The following CTBP2 variants were observed in gnomAD, a reference collection of about 807,000 sequenced individuals.
The protein encoded by CTBP2 is C-terminal-binding protein 2.
Under a neutral mutation model 80.3 loss-of-function variants are expected in CTBP2, and 30 were observed. The ratio of observed to expected loss-of-function variants is 0.37; its 90% CI spans 0.28 to 0.51. The LOEUF (loss-of-function observed/expected upper bound fraction) is 0.51. CTBP2 is among the 20% of genes least tolerant of loss of function. CTBP2 has a pLI of 0.93. For missense variants in CTBP2, 1,212 were observed against 1,375.3 expected, an observed-to-expected ratio of 0.88 and a Z score of 1.88; for synonymous variants, 594 against 587.4, an observed-to-expected ratio of 1.01 and a Z score of -0.16.
chr10:125,062,830 G>A (rs931363728), intron 2 of CTBP2, among the ~76,000 whole-genome samples: 17 of 152,232 alleles, frequency 1.1e-4, no homozygotes, highest in African/African-American at 3.9e-4. Context: ...GCCACTGGGC[G>A]CCTGGGCAAC....
intron 7 of CTBP2, 26 bp from the exon 10 acceptor site, chr10:124,992,838 CAT>C (rs1952880797): frequency 1.3e-6 from 2 of 1,535,840 alleles, no homozygotes; most frequent in Non-Finnish European, 1.8e-6. Context: ...TAAAATTAAT[CAT>C]ATTATTTTTA....
chr10:125,131,156 C>T (rs1385672930), intron 1 of CTBP2, among the ~76,000 whole-genome samples: 2 of 152,198 alleles, frequency 1.3e-5, no homozygotes, highest in Non-Finnish European at 2.9e-5. Context: ...CCGCAGAGTG[C>T]AGGCTGTCTG....
intron 2 of CTBP2, among the ~76,000 whole-genome samples, chr10:125,052,253 T>C (rs1962959762): frequency 1.3e-5 from 2 of 152,134 alleles, no homozygotes; most frequent in Non-Finnish European, 1.5e-5. Context: ...GCCTGCTTTA[T>C]GGGGAGAGGC....
In CTBP2 at chr10:125,027,147, A is replaced by T. The variant is rs779970034; in HGVS notation, c.613T>A (p.Tyr205Asn). 1 of 1,604,262 alleles carries T rather than the reference A, an allele frequency of 6.2e-7. No individual in the cohort carries two copies. Among genetic ancestry groups the T allele is most frequent in the East Asian group, 2.2e-5 (1 of 44,624 alleles). ...TCGCTGAAGACCTGGCTGAGGGGGTAGGCAGGCACCTCCGCCCCATACCTG... is the reference window on the plus strand; with the variant it reads ...TCGCTGAAGACCTGGCTGAGGGGGTTGGCAGGCACCTCCGCCCCATACCTG... The change falls in exon 1 of 9, where the codon TAC (tyrosine) becomes AAC (asparagine). Residue 205 changes from tyrosine to asparagine, a missense_variant. Transcript: ENST00000309035.
At chr10:125,070,824 C>A (rs1845360306) in intron 2 of CTBP2, among the ~76,000 whole-genome samples, 1 of 126,994 alleles carries the variant, frequency 7.9e-6, no homozygotes, top group Non-Finnish European at 1.8e-5. Flanking sequence ...TGCCGCCACG[C>A]CCGGCTAATT....
intron 2 of CTBP2, among the ~76,000 whole-genome samples, chr10:125,074,138 C>G (rs1005412861): frequency 1.3e-5 from 2 of 152,220 alleles, no homozygotes; most frequent in South Asian, 4.1e-4. Flanking sequence ...AGCATTCCCC[C>G]TCTCTGAATA....
At position 125,017,040 on chromosome 10, in the gene CTBP2, C is replaced by A. The variant is rs772730257; in HGVS notation, c.1678+9042G>T. Among the ~76,000 whole-genome samples the A allele has an allele frequency of 2.6e-5, 4 of 152,276 alleles. No homozygotes were observed. In the South Asian group the frequency reaches 8.3e-4, roughly 32 times the overall value. On this transcript the variant is annotated intron_variant, in intron 1 of 8. Transcript: ENST00000309035. The stretch of plus-strand genomic sequence containing the variant: ...CCGCAGGCAGAGCTTCCTTCCACCA[C>A]GAAAAATCCCTTAATGCAATCCCTT...
chr10:125,110,616 G>C (rs1852148012), intron 2 of CTBP2, among the ~76,000 whole-genome samples: 1 of 152,224 alleles, frequency 6.6e-6, no homozygotes, highest in Admixed American at 6.5e-5. Flanking sequence ...GGGGTGTCAT[G>C]AGATGGTTTC....
In CTBP2 at chr10:124,986,543, A is replaced by G. The variant is rs887371844; in HGVS notation, c.*2975T>C. 5.3e-5 allele frequency: 8 copies of G among 152,160 alleles called. No individual in the cohort carries two copies. Among genetic ancestry groups the G allele is most frequent in the African/African-American group, 1.9e-4 (8 of 41,440 alleles). 9.4% of individuals were successfully genotyped at this position (152,160 alleles called of 1,614,324 possible). A position where few individuals can be genotyped will look rare whatever the true frequency, so the allele number is the denominator to read the frequency against. Reference sequence around the variant, plus strand: ...GGATGAAAAGATCATTTTTTGCTGCATGCTAAATCTTGCAGGAAAAATGAT... The same window carrying G: ...GGATGAAAAGATCATTTTTTGCTGCGTGCTAAATCTTGCAGGAAAAATGAT... On this transcript the variant is annotated 3_prime_UTR_variant, in exon 9 of 9. Transcript: ENST00000309035.
rs114088751 is a variant in CTBP2 at position 125,014,678 on chromosome 10, G to A, written c.1679-11186C>T. On this transcript the variant is annotated intron_variant, in intron 1 of 8. Coordinates refer to ENST00000309035, the MANE Select transcript of CTBP2 (RefSeq NM_022802.3). ...TGGCCAGGCAGAACTTGCCGAGACG[G>A]GAACACCAGCCCTCCAGAAAGCACT... is the stretch of plus-strand genomic sequence containing the variant. 6.3e-3 allele frequency among the ~76,000 whole-genome samples: 966 copies of A among 152,324 alleles called. 6 individuals are homozygous for A. The highest frequency in any genetic ancestry group is 0.022 in the African/African-American group (930 of 41,574).
chr10:125,074,197 G>A (rs988154181), intron 2 of CTBP2, among the ~76,000 whole-genome samples: 2 of 152,112 alleles, frequency 1.3e-5, no homozygotes, highest in Non-Finnish European at 2.9e-5. Flanking sequence ...GCAGCTACAT[G>A]AAGGTCTCAG....
At chr10:125,143,442 C>T (rs950773752) in intron 1 of CTBP2, among the ~76,000 whole-genome samples, 1 of 152,206 alleles carries the variant, frequency 6.6e-6, no homozygotes, top group East Asian at 1.9e-4. Context: ...CTCGCCACTG[C>T]ACTCCAGCCT....
chr10:125,060,966 CG>C (rs1440596060), intron 2 of CTBP2, among the ~76,000 whole-genome samples: 1 of 152,228 alleles, frequency 6.6e-6, no homozygotes, highest in Non-Finnish European at 1.5e-5. Context: ...ATCTTCCGGT[CG>C]GCCCCAGGGG....
chr10:125,144,997 A>G (rs1858489823), intron 1 of CTBP2, among the ~76,000 whole-genome samples: 3 of 152,218 alleles, frequency 2.0e-5, no homozygotes, highest in Admixed American at 2.0e-4. Flanking sequence ...CTTCCTAGAA[A>G]TGCCTGGTAA....
chr10:125,028,480 A>G (rs180754722), upstream of CTBP2, among the ~76,000 whole-genome samples: 186 of 152,376 alleles, frequency 1.2e-3, 2 homozygotes, highest in Non-Finnish European at 9.3e-4. Flanking sequence ...GCCTAGCCCA[A>G]AAAAGGGCCA....
At chr10:125,011,273 G>C (rs1342846393) in intron 1 of CTBP2, among the ~76,000 whole-genome samples, 3 of 152,204 alleles carry the variant, frequency 2.0e-5, no homozygotes, top group African/African-American at 7.2e-5. Context: ...ATGGCCACAG[G>C]AACACCCTGA....
At chr10:125,028,614 A>G (rs529768857), upstream of CTBP2, among the ~76,000 whole-genome samples, 19 of 152,252 alleles carry the variant, frequency 1.2e-4, no homozygotes, top group Non-Finnish European at 2.2e-4. Context: ...TGTGAAACAC[A>G]GATGGGCTCA....
intron 3 of CTBP2, among the ~76,000 whole-genome samples, chr10:125,002,743 G>A (rs543441212): frequency 6.6e-5 from 10 of 152,286 alleles, no homozygotes; most frequent in South Asian, 2.1e-4. Flanking sequence ...TCACAGCCCC[G>A]CAGACCCCAC....
intron 2 of CTBP2, among the ~76,000 whole-genome samples, chr10:125,059,669 TCA>T (rs1271724216): frequency 1.3e-5 from 2 of 152,134 alleles, no homozygotes; most frequent in Middle Eastern, 3.2e-3. Flanking sequence ...GCTAAGATTT[TCA>T]CACTGTTTTT....
Sources: gnomAD v4.1 joint callset for allele counts (sites outside exome capture counted in the v4.1 genomes callset) on GRCh38, gnomAD v4.1.1 for gene constraint, MANE v1.5 for transcripts, NCBI Gene and HGNC (gene_info 2026-07-23, HGNC 2026-07-21) for gene names.